Variants in GMDS observed in about 807,000 individuals in gnomAD.
The protein encoded by GMDS is GDP-mannose 4,6-dehydratase, also known as GDP-mannose 4,6 dehydratase.
GMDS carries 20 observed loss-of-function variants against 49.9 expected under a neutral mutation model. The ratio of observed to expected loss-of-function variants is 0.40; its 90% CI spans 0.28 to 0.58. The LOEUF is 0.58. Ranked by LOEUF, GMDS falls within the 20% of genes least tolerant of loss-of-function variation. The pLI, the probability that GMDS is intolerant of heterozygous loss-of-function variation, is 0.42. For synonymous variants in GMDS, 177 were observed against 178.6 expected (o/e 0.99, Z 0.07); for missense variants, 362 against 481.4 (o/e 0.75, Z 2.32).
At chr6:1,697,610 C>T (rs1299492273) in intron 9 of GMDS, among the ~76,000 whole-genome samples, 8 of 152,222 alleles carry the variant, frequency 5.3e-5, no homozygotes, top group African/African-American at 1.4e-4. Flanking sequence ...GCAGCATCAG[C>T]GTCACATGAG....
At chr6:1,978,829 C>T (rs1186154299) in intron 4 of GMDS, among the ~76,000 whole-genome samples, 1 of 152,172 alleles carries the variant, frequency 6.6e-6, no homozygotes, top group Non-Finnish European at 1.5e-5. Flanking sequence ...TCTCCAGCCA[C>T]CTCCTCCAGG....
chr6:1,822,875 A>T (rs1488431695), intron 7 of GMDS, among the ~76,000 whole-genome samples: 1 of 152,238 alleles, frequency 6.6e-6, no homozygotes, highest in Admixed American at 6.5e-5. Context: ...TGTACATTTT[A>T]CTATAAATAT....
At chr6:2,185,771 G>T (rs1334974725) in intron 1 of GMDS, among the ~76,000 whole-genome samples, 1 of 152,116 alleles carries the variant, frequency 6.6e-6, no homozygotes, top group Non-Finnish European at 1.5e-5. Context: ...AGCCTCATCA[G>T]CTTGTGATTA....
intron 4 of GMDS, among the ~76,000 whole-genome samples, chr6:2,073,389 C>T (rs1391565649): frequency 6.6e-6 from 1 of 152,156 alleles, no homozygotes; most frequent in East Asian, 1.9e-4. Context: ...ACATATTTTA[C>T]ATATTTTCAG....
At chr6:2,211,514 C>T (rs560097426) in intron 1 of GMDS, among the ~76,000 whole-genome samples, 18 of 151,764 alleles carry the variant, frequency 1.2e-4, no homozygotes, top group Non-Finnish European at 2.5e-4. Context: ...TAACATCTGC[C>T]CTATATGTTT....
At chr6:1,746,614 G>A (rs924899928) in intron 7 of GMDS, among the ~76,000 whole-genome samples, 4 of 152,100 alleles carry the variant, frequency 2.6e-5, no homozygotes, top group Non-Finnish European at 5.9e-5. Context: ...ATTTGGACAC[G>A]TACTCTTCTG....
At chr6:1,649,877 G>A (rs1446892308) in intron 9 of GMDS, among the ~76,000 whole-genome samples, 3 of 152,200 alleles carry the variant, frequency 2.0e-5, no homozygotes, top group African/African-American at 7.2e-5. Context: ...CTTTATGAGG[G>A]TGGCCAGTGC....
intron 7 of GMDS, among the ~76,000 whole-genome samples, chr6:1,750,108 G>A (rs1290283628): frequency 6.6e-6 from 1 of 152,158 alleles, no homozygotes; most frequent in Non-Finnish European, 1.5e-5. Flanking sequence ...TGGGACTAAA[G>A]GACTGAGCCA....
At chr6:2,097,842 A>C (rs998415562) in intron 4 of GMDS, among the ~76,000 whole-genome samples, 2 of 152,168 alleles carry the variant, frequency 1.3e-5, no homozygotes, top group Non-Finnish European at 2.9e-5. Flanking sequence ...TGACAAACAA[A>C]AGAAACATGT....
intron 4 of GMDS, among the ~76,000 whole-genome samples, chr6:2,019,686 G>A (rs189704243): frequency 5.6e-4 from 85 of 152,214 alleles, no homozygotes; most frequent in African/African-American, 2.0e-3. Context: ...TTGACCTCAG[G>A]TGATCCACCT....
At chr6:2,047,865 T>C (rs1039934793) in intron 4 of GMDS, among the ~76,000 whole-genome samples, 2 of 152,188 alleles carry the variant, frequency 1.3e-5, no homozygotes, top group African/African-American at 2.4e-5. Flanking sequence ...ACTGTCACCA[T>C]TTAAAGGAAA....
intron 8 of GMDS, among the ~76,000 whole-genome samples, chr6:1,740,770 A>G (rs1767238479): frequency 6.6e-6 from 1 of 152,164 alleles, no homozygotes; most frequent in African/African-American, 2.4e-5. Context: ...ATTACACTTC[A>G]AAGATTATTT....
At chr6:1,903,810 G>A (rs1178656999) in intron 7 of GMDS, among the ~76,000 whole-genome samples, 1 of 152,146 alleles carries the variant, frequency 6.6e-6, no homozygotes, top group Non-Finnish European at 1.5e-5. Flanking sequence ...TCCCAACCCT[G>A]GATGCCTTTC....
At chr6:2,134,541 G>A (rs943538392) in intron 1 of GMDS, among the ~76,000 whole-genome samples, 3 of 152,162 alleles carry the variant, frequency 2.0e-5, no homozygotes, top group African/African-American at 2.4e-5. Context: ...TGCTAAGGCC[G>A]AAGTGAGTCT....
intron 7 of GMDS, among the ~76,000 whole-genome samples, chr6:1,809,327 C>T (rs1390422172): frequency 1.3e-5 from 2 of 152,206 alleles, no homozygotes; most frequent in African/African-American, 4.8e-5. Flanking sequence ...GAAACTTCCA[C>T]AGCTGTACCG....
chr6:1,988,937 G>A (rs1018348638), intron 4 of GMDS, among the ~76,000 whole-genome samples: 5 of 152,150 alleles, frequency 3.3e-5, no homozygotes, highest in Non-Finnish European at 7.4e-5. Flanking sequence ...TATGCCGGGA[G>A]CAGTGAGCAG....
intron 1 of GMDS, among the ~76,000 whole-genome samples, chr6:2,163,979 G>A (rs955442801): frequency 6.6e-6 from 1 of 152,172 alleles, no homozygotes; most frequent in East Asian, 1.9e-4. Flanking sequence ...GGTCTTTAAC[G>A]ACAAATCTAC....
intron 9 of GMDS, among the ~76,000 whole-genome samples, chr6:1,705,692 G>A (rs1352128071): frequency 6.6e-6 from 1 of 152,184 alleles, no homozygotes; most frequent in Non-Finnish European, 1.5e-5. Flanking sequence ...GTAAGTGTGG[G>A]TGTCCATGGC....
intron 7 of GMDS, among the ~76,000 whole-genome samples, chr6:1,790,892 CA>C (rs1157622682): frequency 6.6e-6 from 1 of 152,108 alleles, no homozygotes; most frequent in African/African-American, 2.4e-5. Context: ...TATGTTACCT[CA>C]CATGGCAAGA....
Sources: allele counts gnomAD v4.1 joint callset (sites outside exome capture counted in the v4.1 genomes callset), GRCh38; gene constraint gnomAD v4.1.1; transcripts MANE v1.5; gene names NCBI Gene and HGNC (gene_info 2026-07-23, HGNC 2026-07-21).